Variants in ZNF536 observed in about 807,000 individuals in gnomAD.
ZNF536 encodes zinc finger protein 536.
ZNF536 carries 13 observed loss-of-function variants against 84.5 expected under a neutral mutation model. The ratio of observed to expected loss-of-function variants is 0.15; its 90% CI spans 0.10 to 0.24. The LOEUF is 0.24. Ranked by LOEUF, ZNF536 falls within the 10% of genes least tolerant of loss-of-function variation. The probability of loss-of-function intolerance (pLI) is 1.00; values close to 1 mark genes in which losing one functional copy is unlikely to be tolerated. For synonymous variants in ZNF536, 811 were observed against 742.5 expected (o/e 1.09, Z -1.50); for missense variants, 1,536 against 1,747.5 (o/e 0.88, Z 2.16).
At chr19:30,403,285 G>A (rs1406009188) in intron 1 of ZNF536, among the ~76,000 whole-genome samples, 2 of 152,178 alleles carry the variant, frequency 1.3e-5, no homozygotes, top group South Asian at 4.1e-4. Context: ...TTTTTTATAA[G>A]TTGTTCTTTA....
chr19:30,383,060 T>A (rs1254315436), intron 1 of ZNF536, among the ~76,000 whole-genome samples: 5 of 152,118 alleles, frequency 3.3e-5, no homozygotes. Flanking sequence ...AAGGTCAAGG[T>A]GGGCGGATCA....
Position 30,428,890 on chromosome 19 carries a change from G to A in ZNF536, c.-2-14671G>A, listed in dbSNP as rs184604972. 4.9e-4 allele frequency among the ~76,000 whole-genome samples: 74 copies of A among 152,312 alleles called. 1 individual carries two copies. Among genetic ancestry groups the A allele is most frequent in the Admixed American group, 3.1e-3 (48 of 15,306 alleles). ...GGGTGATGGTTCAAGATCAGGGTTT[G>A]GCTATGCGGTCCCTCCCTGTCAGGT... On this transcript the variant is annotated intron_variant, in intron 1 of 4. Coordinates refer to ENST00000355537, the MANE Select transcript of ZNF536 (RefSeq NM_014717.3).
chr19:30,573,477 C>A (rs2046623525), intron 1 of ZNF536, among the ~76,000 whole-genome samples: 1 of 152,166 alleles, frequency 6.6e-6, no homozygotes, highest in South Asian at 2.1e-4. Flanking sequence ...CATCATAACT[C>A]ATTCTTTGCA....
At chr19:30,441,343 G>A (rs370631084) in intron 1 of ZNF536, among the ~76,000 whole-genome samples, 32 of 152,366 alleles carry the variant, frequency 2.1e-4, no homozygotes, top group East Asian at 1.9e-3. Flanking sequence ...CAGAAGAGGA[G>A]CCAGTGCAGC....
chr19:30,444,310 G>A lies in ZNF536; in HGVS notation c.748G>A (p.Asp250Asn), dbSNP rs765701898. The A allele has an allele frequency of 4.4e-6, 7 of 1,585,218 alleles. No individual in the cohort carries two copies. Among genetic ancestry groups the A allele is most frequent in the Non-Finnish European group, 6.0e-6 (7 of 1,172,774 alleles). The change falls in exon 2 of 5, where the codon GAC becomes AAC. Residue 250 changes from aspartate (D) to asparagine (N), a missense_variant. This residue lies in a region of ZNF536 where 138 missense variants were observed against 136.8 expected (regional missense o/e 1.01). Coordinates refer to ENST00000355537, the MANE Select transcript of ZNF536 (RefSeq NM_014717.3). ...CCTGCAGGCTAACCACAGCGTTCCC[G>A]ACGTGGCCCACCCGGTGCCCTCGCC... is the stretch of plus-strand genomic sequence containing the variant. ...LALQANHSVP[D>N]VAHPVPSPKP... is the part of the protein sequence containing the mutation.
chr19:30,536,871 G>C (rs948790478), intron 3 of ZNF536, among the ~76,000 whole-genome samples: 4 of 152,216 alleles, frequency 2.6e-5, no homozygotes, highest in African/African-American at 9.6e-5. Context: ...TTCTCTGCCA[G>C]ATAGTTGCAT....
At chr19:30,462,297 TGTGTGA>T (rs754770264) in intron 2 of ZNF536, among the ~76,000 whole-genome samples, 2,011 of 130,912 alleles carry the variant, frequency 0.015, 45 homozygotes, top group African/African-American at 0.049. Flanking sequence ...TGATTTTGTG[TGTGTGA>T]GTGTGTGTGT....
rs188315209 is a variant in ZNF536 at position 30,299,330 on chromosome 19, C to T, written c.-120+15189C>T. On this transcript the variant is annotated intron_variant, in intron 2 of 5. Transcript: ENST00000585628. The stretch of plus-strand genomic sequence containing the variant: ...AAATCTGGGGCCTTTATGAATCTTG[C>T]ATGAATATTCTTTTATATTCACATC... Among the ~76,000 whole-genome samples the T allele has an allele frequency of 4.6e-5, 7 of 152,214 alleles. No individual in the cohort carries two copies. The East Asian group carries it at 7.7e-4, about 17-fold the overall frequency.
At chr19:30,656,752 G>A (rs948022197) in intron 1 of ZNF536, among the ~76,000 whole-genome samples, 9 of 152,178 alleles carry the variant, frequency 5.9e-5, no homozygotes, top group Admixed American at 1.3e-4. Context: ...CTGACACTGC[G>A]GGACAGGCAA....
Position 30,632,248 on chromosome 19 carries a change from A to G in ZNF536, c.170-78509A>G, listed in dbSNP as rs183600843. Among the ~76,000 whole-genome samples, 559 of 152,314 alleles carry G rather than the reference A, an allele frequency of 3.7e-3. 4 individuals carry two copies. The highest frequency in any genetic ancestry group is 0.013 in the African/African-American group (539 of 41,568). ...GGACGCATTTTCTGTTCTTTCTACA[A>G]TAGCCATGGTCATTACTCTAGAATG... On this transcript the variant is annotated intron_variant, in intron 1 of 1. Coordinates refer to the ZNF536 transcript ENST00000592773.
intron 1 of ZNF536, among the ~76,000 whole-genome samples, chr19:30,281,776 C>A (rs1380347571): frequency 6.6e-6 from 1 of 152,294 alleles, no homozygotes; most frequent in South Asian, 2.1e-4. Flanking sequence ...GCTACCCAAC[C>A]CCCACTTAGT....
chr19:30,586,363 A>G (rs2047094662), intron 1 of ZNF536, among the ~76,000 whole-genome samples: 1 of 152,238 alleles, frequency 6.6e-6, no homozygotes, highest in Non-Finnish European at 1.5e-5. Context: ...TGCGGCCACC[A>G]TGTTCTATTG....
intron 2 of ZNF536, among the ~76,000 whole-genome samples, chr19:30,458,134 C>A (rs532708352): frequency 1.3e-5 from 2 of 152,168 alleles, no homozygotes; most frequent in Non-Finnish European, 2.9e-5. Context: ...CACTTTGGAG[C>A]CGGGCCCCAC....
chr19:30,387,437 A>G (rs1322280957), intron 1 of ZNF536, among the ~76,000 whole-genome samples: 1 of 152,072 alleles, frequency 6.6e-6, no homozygotes, highest in Non-Finnish European at 1.5e-5. Flanking sequence ...GATGCCCAGA[A>G]CCTGCCCTCC....
intron 1 of ZNF536, among the ~76,000 whole-genome samples, chr19:30,273,203 T>G (rs2025949381): frequency 7.0e-6 from 1 of 142,980 alleles, no homozygotes; most frequent in South Asian, 2.2e-4. Context: ...CACCTGGCCA[T>G]GCAGATTGTG....
chr19:30,313,176 C>T (rs1392806101), intron 2 of ZNF536, among the ~76,000 whole-genome samples: 1 of 152,232 alleles, frequency 6.6e-6, no homozygotes, highest in African/African-American at 2.4e-5. Context: ...ACAGTCTCTG[C>T]AGCCCGAGGC....
At chr19:30,511,072 G>A (rs751998876) in intron 2 of ZNF536, among the ~76,000 whole-genome samples, 6 of 152,210 alleles carry the variant, frequency 3.9e-5, no homozygotes, top group Admixed American at 6.5e-5. Context: ...ACTTGAGATC[G>A]TTTCAAGCAT....
chr19:30,503,940 G>A (rs11668027), intron 2 of ZNF536, among the ~76,000 whole-genome samples: 14,503 of 149,290 alleles, frequency 0.097, 948 homozygotes, highest in Non-Finnish European at 0.15. Context: ...TAATGAACGC[G>A]TTATTTTTAA....
At chr19:30,256,627 C>G (rs766355055) in intron 1 of ZNF536, among the ~76,000 whole-genome samples, 6 of 152,072 alleles carry the variant, frequency 3.9e-5, no homozygotes, top group Non-Finnish European at 2.9e-5. Context: ...GGTTCTGTTT[C>G]CTTCTGTCAT....
Sources: allele counts gnomAD v4.1 joint callset (sites outside exome capture counted in the v4.1 genomes callset), GRCh38; gene constraint gnomAD v4.1.1; regional missense constraint gnomAD v4.1.1; transcripts MANE v1.5; gene names NCBI Gene and HGNC (gene_info 2026-07-23, HGNC 2026-07-21).